The following CIITA variants were observed in gnomAD, a reference collection of about 807,000 sequenced individuals.
The protein encoded by CIITA is class II major histocompatibility complex transactivator.
In CIITA, 72 loss-of-function variants were observed where a neutral mutation model predicts 115.1. The observed-to-expected ratio is 0.63, with a 90% CI of 0.52 to 0.76. The LOEUF is 0.76. Among genes scored for constraint, CIITA ranks in the 30% least tolerant of loss-of-function variants. The probability of loss-of-function intolerance (pLI) is 0.00; values close to 1 mark genes in which losing one functional copy is unlikely to be tolerated. For missense variants in CIITA, 1,617 were observed against 1,463.8 expected, an observed-to-expected ratio of 1.10 and a Z score of -1.71; for synonymous variants, 763 against 635.6, an observed-to-expected ratio of 1.20 and a Z score of -3.02.
intron 1 of CIITA, among the ~76,000 whole-genome samples, chr16:10,891,838 T>C (rs2037615417): frequency 6.6e-6 from 1 of 152,188 alleles, no homozygotes; most frequent in Non-Finnish European, 1.5e-5. Flanking sequence ...TTCTGCTTCC[T>C]CTAGTCATGG....
At chr16:10,919,763 T>G (rs1258247105) in intron 16 of CIITA, among the ~76,000 whole-genome samples, 3 of 152,214 alleles carry the variant, frequency 2.0e-5, no homozygotes, top group Non-Finnish European at 1.5e-5. Context: ...AAAAATAGAA[T>G]CTGTCTGGTT....
At chr16:10,909,219 C>T (rs1175027701) in intron 12 of CIITA, 32 bp downstream of exon 12, 19 of 1,609,980 alleles carry the variant, frequency 1.2e-5, no homozygotes, top group African/African-American at 4.0e-5. Context: ...AGGTGGTTCA[C>T]GCCATGCAGG....
chr16:10,898,369 G>A (rs1216664247), intron 3 of CIITA, among the ~76,000 whole-genome samples: 1 of 151,972 alleles, frequency 6.6e-6, no homozygotes, highest in East Asian at 2.0e-4. Context: ...AGCTAGTAGG[G>A]CTAGTGGAAA....
chr16:10,922,857 C>T (rs748619713), intron 18 of CIITA: 12 of 496,602 alleles, frequency 2.4e-5, no homozygotes, highest in Non-Finnish European at 4.0e-5. Context: ...TTTATTAAGT[C>T]ACCATGATGT....
At position 10,906,923 on chromosome 16, in the gene CIITA, C is replaced by T. The variant is rs756459269; in HGVS notation, c.1431C>T (p.Leu477=). ...TCTTCTCCCTGGGCCCACAGCCACT[C>T]GTGGCGGCCGATGAGGTTTTCAGCC... ...DLLFSLGPQP[L]VAADEVFSHI... is the part of the protein sequence containing the mutation. The change falls in exon 11 of 20, where the codon CTC becomes CTT. Residue 477 remains leucine (L), a synonymous_variant. Transcript: ENST00000324288. 9.3e-6 allele frequency: 15 copies of T among 1,613,256 alleles called. No homozygotes were observed. In the South Asian group the frequency reaches 1.1e-4, roughly 12 times the overall value.
intron 9 of CIITA, among the ~76,000 whole-genome samples, chr16:10,904,253 A>C (rs1277612359): frequency 6.6e-6 from 1 of 151,994 alleles, no homozygotes; most frequent in Non-Finnish European, 1.5e-5. Context: ...ATGGAGTCTC[A>C]CTCTGTTGCC....
Position 10,907,071 on chromosome 16 carries a change from G to A in CIITA, c.1579G>A (p.Gly527Arg), listed in dbSNP as rs35451230. ...PAPAEPCSLRGLLAGLFQKKL... is the reference protein window; with the variant it reads ...PAPAEPCSLRRLLAGLFQKKL... ...ACCGGCGGAGCCCTGCTCCCTCCGGGGGCTGCTGGCCGGCCTTTTCCAGAA... is the reference window on the plus strand; with the variant it reads ...ACCGGCGGAGCCCTGCTCCCTCCGGAGGCTGCTGGCCGGCCTTTTCCAGAA... The change falls in exon 11 of 20, where the codon GGG becomes AGG. Residue 527 changes from glycine (G) to arginine (R), a missense_variant. By Grantham distance (125) the Gly-to-Arg change is moderately radical. Transcript: ENST00000324288. The surrounding 1 kb of genome is among the most constrained non-coding windows in gnomAD (Gnocchi z 5.0). 3 of 1,607,432 alleles carry A rather than the reference G, an allele frequency of 1.9e-6. No individual in the cohort carries two copies. The highest frequency in any genetic ancestry group is 1.7e-5 in the Admixed American group (1 of 60,004).
intron 1 of CIITA, 44 bp from the exon 2 acceptor site, chr16:10,895,238 T>G (rs764350002): frequency 1.2e-6 from 2 of 1,611,200 alleles, no homozygotes; most frequent in African/African-American, 1.3e-5. Context: ...TTCTGCCTCT[T>G]TCCAACACCC....
At chr16:10,885,232 G>A (rs1443110230) in intron 1 of CIITA, among the ~76,000 whole-genome samples, 2 of 152,162 alleles carry the variant, frequency 1.3e-5, no homozygotes, top group African/African-American at 4.8e-5. Flanking sequence ...GCACAGCTGA[G>A]GAGCTTGCAG....
intron 16 of CIITA, among the ~76,000 whole-genome samples, chr16:10,921,791 G>A (rs1596613908): frequency 6.6e-6 from 1 of 152,198 alleles, no homozygotes; most frequent in African/African-American, 2.4e-5. Flanking sequence ...TGGTTTGCCT[G>A]TCTTTAAAAT....
At position 10,906,536 on chromosome 16, in the gene CIITA, G is replaced by T. The variant is rs140683241; in HGVS notation, c.1044G>T (p.Thr348=). The T allele has an allele frequency of 2.4e-5, 38 of 1,612,430 alleles. No homozygotes were observed. The highest frequency in any genetic ancestry group is 3.1e-5 in the Non-Finnish European group (36 of 1,179,972). The part of the protein sequence containing the change: ...VEQFYRSLQD[T]YGAEPAGPDG... ...AGTTCTACCGCTCACTGCAGGACACGTATGGTGCCGAGCCCGCAGGCCCGG... is the reference window on the plus strand; with the variant it reads ...AGTTCTACCGCTCACTGCAGGACACTTATGGTGCCGAGCCCGCAGGCCCGG... The change falls in exon 11 of 20, where the codon ACG becomes ACT. Residue 348 remains threonine (T), a synonymous_variant. Coordinates refer to ENST00000324288, the MANE Select transcript of CIITA (RefSeq NM_000246.4).
At chr16:10,908,700 C>A (rs2039347278) in intron 11 of CIITA, 2 of 546,618 alleles carry the variant, frequency 3.7e-6, no homozygotes, top group Non-Finnish European at 6.6e-6. Context: ...TCTGCTTGAG[C>A]ATTTCAGCTT....
At chr16:10,890,297 T>C (rs2037429966) in intron 1 of CIITA, among the ~76,000 whole-genome samples, 1 of 151,734 alleles carries the variant, frequency 6.6e-6, no homozygotes, top group South Asian at 2.1e-4. Context: ...CTTTTTTTTT[T>C]TTCTGAGACA....
intron 1 of CIITA, among the ~76,000 whole-genome samples, chr16:10,871,328 C>A (rs973218107): frequency 1.3e-5 from 2 of 152,176 alleles, no homozygotes; most frequent in Non-Finnish European, 2.9e-5. Flanking sequence ...GTGGGGGCAA[C>A]CTCAGCTGGC....
intron 3 of CIITA, among the ~76,000 whole-genome samples, chr16:10,897,106 C>T (rs546729548): frequency 1.2e-4 from 19 of 152,150 alleles, no homozygotes; most frequent in African/African-American, 1.7e-4. Flanking sequence ...TGAGGCAGTG[C>T]GTTAGTCCAT....
chr16:10,910,154 G>T, intron 12 of CIITA, 34 bp from the exon 13 acceptor site: 2 of 1,589,802 alleles, frequency 1.3e-6, no homozygotes, highest in African/African-American at 1.3e-5. Flanking sequence ...TGACAGCAGT[G>T]CCTGCTCCCC....
Position 10,887,260 on chromosome 16 carries a change from G to A in CIITA, c.53-8022G>A, listed in dbSNP as rs2037049292. Among the ~76,000 whole-genome samples the A allele has an allele frequency of 2.0e-5, 3 of 152,060 alleles. No individual in the cohort carries two copies. In the South Asian group the frequency reaches 6.2e-4, roughly 32 times the overall value. On this transcript the variant is annotated intron_variant, in intron 1 of 19. Transcript: ENST00000324288. The stretch of plus-strand genomic sequence containing the variant: ...GTTGGTGTTGGGGGGGGCCTTGGGG[G>A]AAAGGAAAAGGAGAAGACTGCCAGG...
chr16:10,895,886 G>A, intron 3 of CIITA, 122 bp downstream of exon 3: 1 of 977,946 alleles, frequency 1.0e-6, no homozygotes, highest in African/African-American at 1.6e-5. Flanking sequence ...TCATTGCAAG[G>A]GGGATGCGGA....
At chr16:10,900,150 C>T (rs1305053961) in intron 5 of CIITA, among the ~76,000 whole-genome samples, 1 of 152,210 alleles carries the variant, frequency 6.6e-6, no homozygotes, top group African/African-American at 2.4e-5. Flanking sequence ...TGTAGTCCCT[C>T]AGTTTTGCTC....
Sources: allele counts gnomAD v4.1 joint callset (sites outside exome capture counted in the v4.1 genomes callset), GRCh38; gene constraint gnomAD v4.1.1; non-coding constraint Gnocchi (gnomAD v3.1); transcripts MANE v1.5; gene names NCBI Gene and HGNC (gene_info 2026-07-23, HGNC 2026-07-21).